G2E3: variants seen among roughly 807,000 people sequenced by gnomAD.
The protein encoded by G2E3 is G2/M-phase specific E3 ubiquitin protein ligase, also known as G2/M phase-specific E3 ubiquitin-protein ligase.
G2E3 carries 35 observed loss-of-function variants against 92.8 expected under a neutral mutation model. The ratio of observed to expected loss-of-function variants is 0.38; its 90% CI spans 0.29 to 0.50. The LOEUF (loss-of-function observed/expected upper bound fraction) is 0.50. G2E3 is among the 20% of genes least tolerant of loss of function. The probability of loss-of-function intolerance (pLI) is 0.94; values close to 1 mark genes in which losing one functional copy is unlikely to be tolerated. For missense variants in G2E3, 554 were observed against 823.8 expected, an observed-to-expected ratio of 0.67 and a Z score of 4.01; for synonymous variants, 242 against 272.4, an observed-to-expected ratio of 0.89 and a Z score of 1.10.
chr14:30,594,999 G>A (rs537530129), intron 6 of G2E3, among the ~76,000 whole-genome samples: 10 of 151,900 alleles, frequency 6.6e-5, no homozygotes, highest in East Asian at 1.9e-4. Flanking sequence ...TTAGCTGGGC[G>A]TGGTGGTGCA....
At chr14:30,588,194 A>C (rs1205754995) in intron 3 of G2E3, among the ~76,000 whole-genome samples, 1 of 149,286 alleles carries the variant, frequency 6.7e-6, no homozygotes, top group Non-Finnish European at 1.5e-5. Flanking sequence ...CCATTTTTGT[A>C]AGTTTATTTT....
At chr14:30,584,532 A>G (rs1880601537) in intron 2 of G2E3, among the ~76,000 whole-genome samples, 1 of 152,144 alleles carries the variant, frequency 6.6e-6, no homozygotes, top group Non-Finnish European at 1.5e-5. Flanking sequence ...GTCCTTTGTC[A>G]ATACTTGTTA....
intron 8 of G2E3, among the ~76,000 whole-genome samples, chr14:30,599,611 T>A (rs568736484): frequency 6.6e-6 from 1 of 152,290 alleles, no homozygotes; most frequent in African/African-American, 2.4e-5. Context: ...ACATATGAAG[T>A]GGGGAGAGAC....
intron 6 of G2E3, among the ~76,000 whole-genome samples, chr14:30,595,585 C>T (rs1185521333): frequency 6.6e-6 from 1 of 152,112 alleles, no homozygotes; most frequent in African/African-American, 2.4e-5. Context: ...AAGATCACAG[C>T]CACATGGACA....
At chr14:30,597,595 G>C (rs1260638325) in intron 7 of G2E3, 69 bp downstream of exon 7, 5 of 860,696 alleles carry the variant, frequency 5.8e-6, no homozygotes, top group Non-Finnish European at 9.9e-6. Flanking sequence ...CAATGGAAAT[G>C]ATCACTTATG....
chr14:30,607,573 C>T (rs1052601958), intron 11 of G2E3, among the ~76,000 whole-genome samples: 1 of 152,070 alleles, frequency 6.6e-6, no homozygotes, highest in Non-Finnish European at 1.5e-5. Flanking sequence ...TTAGGGACCA[C>T]CTTAGTGTAT....
At chr14:30,589,322 A>T (rs1880882152) in intron 3 of G2E3, 61 bp from the exon 4 acceptor site, 3 of 944,328 alleles carry the variant, frequency 3.2e-6, no homozygotes, top group African/African-American at 1.6e-5. Context: ...ATGGATATAT[A>T]TTTTTTTAAT....
intron 1 of G2E3, among the ~76,000 whole-genome samples, chr14:30,568,288 A>G (rs1879556355): frequency 6.6e-6 from 1 of 151,934 alleles, no homozygotes; most frequent in Admixed American, 6.6e-5. Context: ...TTTACTTTCC[A>G]TCTATTTGTG....
Position 30,589,516 on chromosome 14 carries a change from C to A in G2E3, c.237+32C>A. ...AAATTATTTTACTATTAAGTAATGT[C>A]ATAAATATTGTCAATACTTGGGAAG... is the stretch of plus-strand genomic sequence containing the variant. On this transcript the variant is annotated intron_variant, in intron 4 of 14. Coordinates refer to ENST00000206595, the MANE Select transcript of G2E3 (RefSeq NM_017769.5). 2 of 1,065,898 alleles carry A rather than the reference C, an allele frequency of 1.9e-6. No individual in the cohort carries two copies. The highest frequency in any genetic ancestry group is 1.4e-5 in the South Asian group (1 of 72,126). The allele number at this position is 1,065,898 out of a possible 1,614,324, so 66.0% of individuals were successfully genotyped here.
intron 1 of G2E3, among the ~76,000 whole-genome samples, chr14:30,570,980 T>G (rs528683186): frequency 2.0e-5 from 3 of 152,294 alleles, no homozygotes; most frequent in African/African-American, 7.2e-5. Flanking sequence ...TAACTTTAAG[T>G]ACAGTTTATC....
At chr14:30,575,780 AG>A (rs1880047444) in intron 1 of G2E3, among the ~76,000 whole-genome samples, 1 of 152,226 alleles carries the variant, frequency 6.6e-6, no homozygotes, top group African/African-American at 2.4e-5. Context: ...GGCTACAAAA[AG>A]AATGAAATAC....
At chr14:30,590,664 G>A (rs1348017421) in intron 4 of G2E3, 1 of 455,752 alleles carries the variant, frequency 2.2e-6, no homozygotes, top group South Asian at 1.6e-5. Context: ...ATATCAAGAA[G>A]GTAGGAGAGT....
At chr14:30,597,309 G>T in intron 6 of G2E3, 111 bp from the exon 7 acceptor site, 1 of 694,914 alleles carries the variant, frequency 1.4e-6, no homozygotes, top group South Asian at 1.7e-5. Context: ...CACTAGCATA[G>T]AAAATGTTTT....
Position 30,605,797 on chromosome 14 carries a change from T to G in G2E3, c.1303T>G (p.Ser435Ala), listed in dbSNP as rs1450913266. 1 of 1,534,892 alleles carries G rather than the reference T, an allele frequency of 6.5e-7. No individual in the cohort carries two copies. The highest frequency in any genetic ancestry group is 8.8e-7 in the Non-Finnish European group (1 of 1,137,132). ...TGAAGGGTCCTTGTCAAAGAACTTG[T>G]CTCTAAATTCTCAAGGTAATTATTT... is the stretch of plus-strand genomic sequence containing the variant. ...LFEGSLSKNL[S>A]LNSQALKENL... The change falls in exon 11 of 15, where the codon TCT becomes GCT. Residue 435 changes from serine (S) to alanine (A), a missense_variant. Coordinates refer to ENST00000206595, the MANE Select transcript of G2E3 (RefSeq NM_017769.5).
At position 30,586,762 on chromosome 14, in the gene G2E3, G is replaced by A. The variant is rs1880734456; in HGVS notation, c.82G>A (p.Gly28Arg). 4 of 1,449,750 alleles carry A rather than the reference G, an allele frequency of 2.8e-6. No individual in the cohort carries two copies. Among genetic ancestry groups the A allele is most frequent in the South Asian group, 1.4e-5 (1 of 73,982 alleles). 89.8% of individuals were successfully genotyped at this position (1,449,750 alleles called of 1,614,324 possible). A position where few individuals can be genotyped will look rare whatever the true frequency, so the allele number is the denominator to read the frequency against. Residue 28 changes from glycine to arginine, a missense_variant, in exon 3 of 15, where the codon GGA becomes AGA. Gly to Arg is a moderately radical substitution (Grantham distance 125). Coordinates refer to ENST00000206595, the MANE Select transcript of G2E3 (RefSeq NM_017769.5). ...ACATGATGACTGTCCTAATAAATAC[G>A]GAGAAAAGAAAACTAAGGAGAAATG... ...RKHDDCPNKY[G>R]EKKTKEKWNL...
intron 12 of G2E3, 42 bp downstream of exon 12, chr14:30,608,111 A>C (rs781593004): frequency 3.5e-6 from 4 of 1,155,698 alleles, no homozygotes; most frequent in Admixed American, 2.5e-5. Context: ...ACTACATTCT[A>C]GGTATCTTTT....
At chr14:30,611,869 C>T in intron 12 of G2E3, 4 of 164,372 alleles carry the variant, frequency 2.4e-5, no homozygotes, top group Non-Finnish European at 2.6e-5. Context: ...CCAGGATGTT[C>T]TTGAACTTCT....
At chr14:30,580,825 T>C in intron 1 of G2E3, 2 of 399,730 alleles carry the variant, frequency 5.0e-6, no homozygotes, top group Non-Finnish European at 9.2e-6. Flanking sequence ...CTGGCCTCTT[T>C]CCACTAAATA....
At chr14:30,592,934 T>C (rs1327633021) in intron 5 of G2E3, among the ~76,000 whole-genome samples, 2 of 152,158 alleles carry the variant, frequency 1.3e-5, no homozygotes, top group Non-Finnish European at 1.5e-5. Context: ...TTATGAATTT[T>C]GACTTTTGGT....
Sources: allele counts gnomAD v4.1 joint callset (sites outside exome capture counted in the v4.1 genomes callset), GRCh38; gene constraint gnomAD v4.1.1; transcripts MANE v1.5; gene names NCBI Gene and HGNC (gene_info 2026-07-23, HGNC 2026-07-21).